The following RPS6KA2 variants were observed in gnomAD, a reference collection of about 807,000 sequenced individuals.
RPS6KA2 encodes ribosomal protein S6 kinase alpha-2.
Under a neutral mutation model 91.8 loss-of-function variants are expected in RPS6KA2, and 42 were observed. That is an observed-to-expected ratio of 0.46 (90% CI 0.36 to 0.59). The LOEUF is 0.59. RPS6KA2 is among the 20% of genes least tolerant of loss of function. The pLI is 0.00. For missense variants in RPS6KA2, 798 were observed against 978.5 expected, an observed-to-expected ratio of 0.82 and a Z score of 2.46; for synonymous variants, 414 against 393.6, an observed-to-expected ratio of 1.05 and a Z score of -0.61.
chr6:166,525,182 T>C (rs1009050480), intron 3 of RPS6KA2, among the ~76,000 whole-genome samples: 1 of 152,232 alleles, frequency 6.6e-6, no homozygotes, highest in African/African-American at 2.4e-5. Context: ...CAACACATTC[T>C]TTTAAATCAA....
chr6:166,829,013 T>A (rs1448510883), intron 2 of RPS6KA2, among the ~76,000 whole-genome samples: 2 of 151,916 alleles, frequency 1.3e-5, no homozygotes, highest in East Asian at 3.9e-4. Flanking sequence ...ATAACCCAAT[T>A]AAAAAATAGC....
intron 2 of RPS6KA2, among the ~76,000 whole-genome samples, chr6:166,747,613 C>T (rs1209056320): frequency 6.6e-6 from 1 of 152,194 alleles, no homozygotes; most frequent in African/African-American, 2.4e-5. Context: ...CAGACTAAGG[C>T]ATGAGGCTGG....
In RPS6KA2 at chr6:166,567,112, C is replaced by G. The variant is rs140867056; in HGVS notation, c.100-28328G>C. 2.5e-3 allele frequency among the ~76,000 whole-genome samples: 381 copies of G among 152,304 alleles called. 2 individuals are homozygous for G. The highest frequency in any genetic ancestry group is 8.9e-3 in the African/African-American group (368 of 41,538). ...CCACTGAGGTAACCCAGGAAGACAT[C>G]ACAAACACAGAGGCCTTCGCTGCCC... On this transcript the variant is annotated intron_variant, in intron 1 of 20. Coordinates refer to ENST00000265678, the MANE Select transcript of RPS6KA2 (RefSeq NM_021135.6).
rs1276337665 is a variant in RPS6KA2, at chr6:166,423,249, T to A, written c.1743+7A>T. On this transcript the variant is annotated splice_region_variant and intron_variant, in intron 17 of 20. Transcript: ENST00000265678. The surrounding 1 kb of genome is among the most constrained non-coding windows in gnomAD (Gnocchi z 4.8). ...GAGGCCTGGGTCTGCAGTCGGGGAA[T>A]GCTCACCTCCGGGGCCACGAAATTG... The A allele has an allele frequency of 6.2e-7, 1 of 1,603,752 alleles. No homozygotes were observed. Among genetic ancestry groups the A allele is most frequent in the Non-Finnish European group, 8.5e-7 (1 of 1,172,360 alleles).
At chr6:166,565,943 A>T (rs1232907082) in intron 1 of RPS6KA2, among the ~76,000 whole-genome samples, 2 of 152,246 alleles carry the variant, frequency 1.3e-5, no homozygotes, top group Non-Finnish European at 2.9e-5. Context: ...CTAACAAAAC[A>T]AAAAGCATCT....
intron 2 of RPS6KA2, among the ~76,000 whole-genome samples, chr6:166,778,998 T>C (rs1267329615): frequency 1.3e-5 from 2 of 152,196 alleles, no homozygotes; most frequent in Non-Finnish European, 2.9e-5. Context: ...AACTTGAAAA[T>C]GCGCAAATCT....
At chr6:166,783,762 A>G (rs1033904717) in intron 2 of RPS6KA2, among the ~76,000 whole-genome samples, 2 of 146,618 alleles carry the variant, frequency 1.4e-5, no homozygotes, top group South Asian at 4.2e-4. Context: ...AACCACATAT[A>G]CACATGTGCA....
In RPS6KA2 at chr6:166,432,437, C is replaced by CA; in HGVS notation, c.1385_1386insT (p.Tyr463ValfsTer15). 1 of 1,613,782 alleles carries CA rather than the reference C, an allele frequency of 6.2e-7. No homozygotes were observed. Among genetic ancestry groups the CA allele is most frequent in the Non-Finnish European group, 8.5e-7 (1 of 1,179,722 alleles). Reference sequence around the variant, plus strand: ...TGATGATGTTCGGGTGCTGGCCGTACCGCAGGAGGATCTCAATCTCTTCCG... The same window carrying CA: ...TGATGATGTTCGGGTGCTGGCCGTACACGCAGGAGGATCTCAATCTCTTCCG... On this transcript the variant is annotated frameshift_variant, in exon 15 of 21. Transcript: ENST00000265678. LOFTEE classifies it high-confidence loss of function.
chr6:166,614,056 C>A (rs113599292), intron 1 of RPS6KA2, among the ~76,000 whole-genome samples: 1 of 152,204 alleles, frequency 6.6e-6, no homozygotes, highest in Non-Finnish European at 1.5e-5. Context: ...AGCCACATCT[C>A]CCCCAGAAAC....
intron 2 of RPS6KA2, among the ~76,000 whole-genome samples, chr6:166,839,694 GGAGGAGAGGAGAGGAGAGGA>G (rs752856342): frequency 1.6e-4 from 1 of 6,234 alleles, no homozygotes; most frequent in African/African-American, 5.5e-4. Context: ...AGAGGAGAGG[GGAGGAGAGGAGAGGAGAGGA>G]GAGGCGGCAC....
intron 1 of RPS6KA2, among the ~76,000 whole-genome samples, chr6:166,860,669 G>C (rs1781026412): frequency 6.6e-6 from 1 of 152,152 alleles, no homozygotes; most frequent in African/African-American, 2.4e-5. Context: ...ATTCGTGAGG[G>C]CTGAGCACCT....
At chr6:166,841,174 G>C (rs1003009867) in intron 2 of RPS6KA2, among the ~76,000 whole-genome samples, 1 of 151,196 alleles carries the variant, frequency 6.6e-6, no homozygotes, top group Non-Finnish European at 1.5e-5. Flanking sequence ...GAGGCAGGAG[G>C]ATCAGCAGAG....
At chr6:166,819,840 T>G (rs920330259) in intron 2 of RPS6KA2, among the ~76,000 whole-genome samples, 1 of 152,206 alleles carries the variant, frequency 6.6e-6, no homozygotes, top group Admixed American at 6.5e-5. Context: ...ACTGTATTTA[T>G]GAAGGTAGGT....
chr6:166,506,453 T>C (rs371259048), intron 5 of RPS6KA2, among the ~76,000 whole-genome samples: 4 of 152,254 alleles, frequency 2.6e-5, no homozygotes, highest in East Asian at 3.9e-4. Flanking sequence ...AACCAACAGA[T>C]GATACCACAT....
chr6:166,593,078 G>A lies in RPS6KA2; in HGVS notation c.99+33843C>T, dbSNP rs535722862. Among the ~76,000 whole-genome samples the A allele has an allele frequency of 3.9e-5, 6 of 152,272 alleles. No individual in the cohort carries two copies. The East Asian group carries it at 5.8e-4, about 15-fold the overall frequency. On this transcript the variant is annotated intron_variant, in intron 1 of 20. Coordinates refer to ENST00000265678, the MANE Select transcript of RPS6KA2 (RefSeq NM_021135.6). ...CAAAAGAGCAGTTCAGGAGAAAGGC[G>A]CAGGACACAGCAGAAAGAAGCTTTC...
At chr6:166,796,398 G>A (rs1339850090) in intron 2 of RPS6KA2, among the ~76,000 whole-genome samples, 4 of 152,098 alleles carry the variant, frequency 2.6e-5, no homozygotes, top group African/African-American at 9.7e-5. Context: ...AGACCATCCT[G>A]GCCAACATGA....
At chr6:166,823,434 A>AGTGTGT (rs56187218) in intron 2 of RPS6KA2, among the ~76,000 whole-genome samples, 1,512 of 148,074 alleles carry the variant, frequency 0.01, 13 homozygotes, top group African/African-American at 0.019. Flanking sequence ...TTGGTTTTGC[A>AGTGTGT]GTGTGTGTGT....
rs1234809578 is a variant in RPS6KA2 at position 166,849,091 on chromosome 6, C to T, written c.123+9109G>A. 6.6e-6 allele frequency among the ~76,000 whole-genome samples: 1 copy of T among 152,128 alleles called. No homozygotes were observed. The highest frequency in any genetic ancestry group is 1.5e-5 in the Non-Finnish European group (1 of 68,006). Reference sequence around the variant, plus strand: ...GCATCTCAGGCCAGCCTGGGCAGCCCCAGGCCTGCACATGGTTCCTGAAGC... The same window carrying T: ...GCATCTCAGGCCAGCCTGGGCAGCCTCAGGCCTGCACATGGTTCCTGAAGC... On this transcript the variant is annotated intron_variant, in intron 2 of 21. Coordinates refer to the RPS6KA2 transcript ENST00000503859. The surrounding 1 kb of genome is among the most constrained non-coding windows in gnomAD (Gnocchi z 4.9).
chr6:166,555,658 C>T (rs1027296827), intron 1 of RPS6KA2, among the ~76,000 whole-genome samples: 5 of 151,992 alleles, frequency 3.3e-5, no homozygotes, highest in African/African-American at 1.2e-4. Context: ...GGTGTACTGA[C>T]TCCTGTGTGC....
Sources: allele counts gnomAD v4.1 joint callset (sites outside exome capture counted in the v4.1 genomes callset), GRCh38; gene constraint gnomAD v4.1.1; non-coding constraint Gnocchi (gnomAD v3.1); transcripts MANE v1.5; gene names NCBI Gene and HGNC (gene_info 2026-07-23, HGNC 2026-07-21).